The following USP31 variants were observed in gnomAD, a reference collection of about 807,000 sequenced individuals.
The protein encoded by USP31 is ubiquitin carboxyl-terminal hydrolase 31.
USP31 carries 44 observed loss-of-function variants against 119.4 expected under a neutral mutation model. The observed-to-expected ratio is 0.37, with a 90% CI of 0.29 to 0.47. The LOEUF is 0.47. Ranked by LOEUF, USP31 falls within the 20% of genes least tolerant of loss-of-function variation. USP31 has a pLI of 0.99. For synonymous variants in USP31, 749 were observed against 705.6 expected (o/e 1.06, Z -0.97); for missense variants, 1,643 against 1,730.2 (o/e 0.95, Z 0.89).
chr16:23,140,307 G>A (rs1056072447), intron 1 of USP31, among the ~76,000 whole-genome samples: 1 of 152,104 alleles, frequency 6.6e-6, no homozygotes, highest in Non-Finnish European at 1.5e-5. Context: ...GGGACATTTG[G>A]CAGTATCTGG....
chr16:23,110,523 A>G (rs878968578), intron 1 of USP31, among the ~76,000 whole-genome samples: 2 of 152,214 alleles, frequency 1.3e-5, no homozygotes, highest in Admixed American at 1.3e-4. Context: ...GATTAGGCAG[A>G]GTAGGAGGAG....
At chr16:23,144,011 T>G (rs1201530319) in intron 1 of USP31, among the ~76,000 whole-genome samples, 1 of 152,184 alleles carries the variant, frequency 6.6e-6, no homozygotes, top group African/African-American at 2.4e-5. Flanking sequence ...GAGACATTTT[T>G]TACAGCATAT....
chr16:23,120,646 G>GA (rs890469669), intron 1 of USP31, among the ~76,000 whole-genome samples: 2 of 152,162 alleles, frequency 1.3e-5, no homozygotes, highest in African/African-American at 2.4e-5. Flanking sequence ...CCTAGGAAGA[G>GA]AAAAAAAGAA....
chr16:23,120,215 C>CA (rs1902622763), intron 1 of USP31, among the ~76,000 whole-genome samples: 1 of 152,086 alleles, frequency 6.6e-6, no homozygotes, highest in South Asian at 2.1e-4. Flanking sequence ...AGTCCCAATG[C>CA]AAGTTGGTCA....
chr16:23,120,829 T>C (rs1286014661), intron 1 of USP31, among the ~76,000 whole-genome samples: 1 of 152,092 alleles, frequency 6.6e-6, no homozygotes, highest in African/African-American at 2.4e-5. Flanking sequence ...GGAGGCAGAA[T>C]AAGGTGGGAA....
intron 1 of USP31, among the ~76,000 whole-genome samples, chr16:23,113,915 G>A (rs1426070776): frequency 2.6e-5 from 4 of 152,114 alleles, no homozygotes; most frequent in Non-Finnish European, 4.4e-5. Flanking sequence ...TATCAGCCTG[G>A]CCAACATGGT....
At chr16:23,094,811 A>C (rs1901530285) in intron 6 of USP31, among the ~76,000 whole-genome samples, 1 of 152,072 alleles carries the variant, frequency 6.6e-6, no homozygotes, top group South Asian at 2.1e-4. Flanking sequence ...TAGCACCAAC[A>C]TCAACAAAAA....
At chr16:23,126,411 T>G (rs1596729878) in intron 1 of USP31, among the ~76,000 whole-genome samples, 1 of 137,496 alleles carries the variant, frequency 7.3e-6, no homozygotes, top group African/African-American at 2.8e-5. Context: ...GATCACAAGG[T>G]CAGGAGATGG....
intron 1 of USP31, among the ~76,000 whole-genome samples, chr16:23,121,480 C>A (rs566216374): frequency 2.0e-5 from 3 of 152,332 alleles, no homozygotes; most frequent in South Asian, 4.1e-4. Context: ...CAATCTTTAC[C>A]AATTCTAGTC....
chr16:23,135,986 C>T (rs1295001248), intron 1 of USP31, among the ~76,000 whole-genome samples: 1 of 152,030 alleles, frequency 6.6e-6, no homozygotes. Context: ...AAAGATAATG[C>T]CTAATAAAAA....
chr16:23,104,342 C>CA (rs1378660773), intron 5 of USP31, among the ~76,000 whole-genome samples: 2 of 152,216 alleles, frequency 1.3e-5, no homozygotes, highest in Non-Finnish European at 2.9e-5. Context: ...AAACTGAGGT[C>CA]AACAGCAAAC....
chr16:23,093,784 C>T (rs1901476779), intron 6 of USP31, among the ~76,000 whole-genome samples: 1 of 152,270 alleles, frequency 6.6e-6, no homozygotes, highest in East Asian at 1.9e-4. Flanking sequence ...AAAACAAATG[C>T]CCATCAATAG....
At chr16:23,074,851 G>A (rs974767897) in intron 13 of USP31, among the ~76,000 whole-genome samples, 5 of 152,198 alleles carry the variant, frequency 3.3e-5, no homozygotes, top group African/African-American at 1.2e-4. Flanking sequence ...TTATAAGCTT[G>A]ATCCAGAAAA....
rs768311993 is a variant in USP31 at position 23,072,242 on chromosome 16, G to A, written c.2336-45C>T. ...CATAGAGGTCAGGCTGGGGTCCCTC[G>A]GCCAGCCCTGAGCCACACACACCCT... On this transcript the variant is annotated intron_variant, in intron 14 of 15. Coordinates refer to ENST00000219689, the MANE Select transcript of USP31 (RefSeq NM_020718.4). 4.5e-6 allele frequency: 7 copies of A among 1,570,956 alleles called. No homozygotes were observed. In the East Asian group the frequency reaches 6.9e-5, roughly 16 times the overall value.
intron 1 of USP31, among the ~76,000 whole-genome samples, chr16:23,139,877 A>G (rs145402309): frequency 6.6e-6 from 1 of 152,242 alleles, no homozygotes; most frequent in Admixed American, 6.5e-5. Flanking sequence ...ATTTATATCA[A>G]ATATCCCTAT....
At chr16:23,124,513 G>A (rs1379397867) in intron 1 of USP31, among the ~76,000 whole-genome samples, 10 of 152,138 alleles carry the variant, frequency 6.6e-5, no homozygotes, top group African/African-American at 9.7e-5. Flanking sequence ...GGACATACTC[G>A]TCAGTGAGTC....
chr16:23,120,885 T>C, intron 1 of USP31, among the ~76,000 whole-genome samples: 1 of 152,208 alleles, frequency 6.6e-6, no homozygotes, highest in East Asian at 1.9e-4. Flanking sequence ...GAACTACCCC[T>C]AAGCCAAAGA....
chr16:23,124,398 A>G (rs1408466774), intron 1 of USP31, among the ~76,000 whole-genome samples: 1 of 152,222 alleles, frequency 6.6e-6, no homozygotes, highest in Admixed American at 6.5e-5. Context: ...ACTTACGTAA[A>G]AGACTCATTC....
chr16:23,082,831 C>CTTTTTTT (rs71151692), intron 11 of USP31, among the ~76,000 whole-genome samples: 2,999 of 129,144 alleles, frequency 0.023, 110 homozygotes, highest in Non-Finnish European at 0.033. Context: ...CTTTCTCTCT[C>CTTTTTTT]TTTTTTTTTT....
Sources: allele counts gnomAD v4.1 joint callset (sites outside exome capture counted in the v4.1 genomes callset), GRCh38; gene constraint gnomAD v4.1.1; transcripts MANE v1.5; gene names NCBI Gene and HGNC (gene_info 2026-07-23, HGNC 2026-07-21).